The following LRRC7 variants were observed in gnomAD, a reference collection of about 807,000 sequenced individuals.
LRRC7 encodes the protein leucine-rich repeat-containing protein 7.
A neutral mutation model predicts 175.7 loss-of-function variants in LRRC7; 23 were observed. The observed-to-expected ratio is 0.13, with a 90% CI of 0.09 to 0.19. The LOEUF (loss-of-function observed/expected upper bound fraction) is 0.19, where lower values mean the gene tolerates loss of function less well. Ranked by LOEUF, LRRC7 falls within the 10% of genes least tolerant of loss-of-function variation. LRRC7 has a pLI of 1.00. For missense variants in LRRC7, 1,354 were observed against 1,904.7 expected (o/e 0.71, Z 5.38); for synonymous variants, 685 against 680.9 (o/e 1.01, Z -0.09).
At chr1:69,928,654 A>G (rs1570696043) in intron 7 of LRRC7, among the ~76,000 whole-genome samples, 1 of 152,194 alleles carries the variant, frequency 6.6e-6, no homozygotes, top group African/African-American at 2.4e-5. Flanking sequence ...TTTTAAGCCC[A>G]TTGGAAAAGA....
chr1:69,662,723 C>T (rs1048453422), intron 1 of LRRC7, among the ~76,000 whole-genome samples: 7 of 152,172 alleles, frequency 4.6e-5, no homozygotes, highest in Non-Finnish European at 1.0e-4. Flanking sequence ...ATTATTTTTG[C>T]ACTGTCATTT....
intron 4 of LRRC7, among the ~76,000 whole-genome samples, chr1:69,806,238 CAAGAT>C (rs1261711705): frequency 6.6e-6 from 1 of 151,808 alleles, no homozygotes; most frequent in Non-Finnish European, 1.5e-5. Context: ...GAGTATGAAG[CAAGAT>C]TATTAAACAG....
At chr1:69,598,033 T>G (rs201526056) in intron 1 of LRRC7, among the ~76,000 whole-genome samples, 3 of 152,302 alleles carry the variant, frequency 2.0e-5, no homozygotes, top group South Asian at 2.1e-4. Flanking sequence ...TGACATAAAA[T>G]GATTTGTTGA....
intron 11 of LRRC7, among the ~76,000 whole-genome samples, chr1:69,998,234 C>T (rs1208607252): frequency 6.6e-6 from 1 of 152,164 alleles, no homozygotes; most frequent in Non-Finnish European, 1.5e-5. Flanking sequence ...ACTATCACCA[C>T]TGCAATGAAG....
At chr1:69,737,364 A>T (rs1668234999) in intron 2 of LRRC7, among the ~76,000 whole-genome samples, 1 of 152,098 alleles carries the variant, frequency 6.6e-6, no homozygotes, top group African/African-American at 2.4e-5. Flanking sequence ...GCCACCATGG[A>T]AGACATGCCT....
At chr1:69,809,454 T>C (rs533920466) in intron 4 of LRRC7, among the ~76,000 whole-genome samples, 4 of 152,202 alleles carry the variant, frequency 2.6e-5, no homozygotes, top group Admixed American at 1.3e-4. Context: ...TACCAAAACC[T>C]GGCAGAGACA....
intron 2 of LRRC7, among the ~76,000 whole-genome samples, chr1:69,734,806 A>G (rs11209529): frequency 0.69 from 104,949 of 151,606 alleles, 36,795 homozygotes; most frequent in East Asian, 0.92. Context: ...TTTATGCTTC[A>G]GACATTTTTT....
intron 4 of LRRC7, among the ~76,000 whole-genome samples, chr1:69,806,270 G>C (rs1486211290): frequency 6.6e-6 from 1 of 151,930 alleles, no homozygotes; most frequent in Non-Finnish European, 1.5e-5. Flanking sequence ...TCACATAAAA[G>C]ACTCAATGTG....
chr1:69,870,199 A>T (rs140961767), intron 7 of LRRC7, among the ~76,000 whole-genome samples: 2 of 152,256 alleles, frequency 1.3e-5, no homozygotes, highest in East Asian at 3.9e-4. Flanking sequence ...TACACACAGT[A>T]GATGCTCAAT....
intron 1 of LRRC7, among the ~76,000 whole-genome samples, chr1:69,617,563 A>AAAAAAAAAAAC (rs1557491914): frequency 6.7e-6 from 1 of 150,074 alleles, no homozygotes; most frequent in Non-Finnish European, 1.5e-5. Flanking sequence ...AAAAAAAAAA[A>AAAAAAAAAAAC]AAAAAAAAAT....
At chr1:70,026,517 C>T (rs778815962) in intron 17 of LRRC7, among the ~76,000 whole-genome samples, 1 of 151,944 alleles carries the variant, frequency 6.6e-6, no homozygotes, top group Non-Finnish European at 1.5e-5. Context: ...CATATCATTC[C>T]TTTTATGTTT....
intron 5 of LRRC7, among the ~76,000 whole-genome samples, chr1:69,827,992 C>T (rs1361333167): frequency 6.6e-6 from 1 of 152,180 alleles, no homozygotes; most frequent in Admixed American, 6.6e-5. Flanking sequence ...TTACTATCCC[C>T]ATTGCTTTGT....
intron 1 of LRRC7, among the ~76,000 whole-genome samples, chr1:69,630,875 T>C (rs150425290): frequency 0.017 from 2,582 of 152,196 alleles, 66 homozygotes; most frequent in African/African-American, 0.059. Flanking sequence ...GCCAAATACA[T>C]GATGTATAAG....
At chr1:69,648,403 C>A (rs1655307410) in intron 1 of LRRC7, among the ~76,000 whole-genome samples, 1 of 151,988 alleles carries the variant, frequency 6.6e-6, no homozygotes, top group Non-Finnish European at 1.5e-5. Context: ...AAGGGTGGAG[C>A]CTATTAATCC....
At chr1:69,635,826 AT>A (rs1490507121) in intron 1 of LRRC7, among the ~76,000 whole-genome samples, 1 of 152,032 alleles carries the variant, frequency 6.6e-6, no homozygotes, top group Admixed American at 6.6e-5. Context: ...CACATTACTG[AT>A]GTTTTTTTAA....
intron 7 of LRRC7, among the ~76,000 whole-genome samples, chr1:69,857,317 T>G (rs1333987743): frequency 6.6e-6 from 1 of 152,136 alleles, no homozygotes; most frequent in Non-Finnish European, 1.5e-5. Flanking sequence ...AAAGAGGAAG[T>G]CAAATTATCC....
At chr1:69,621,518 G>C (rs1473185235) in intron 1 of LRRC7, among the ~76,000 whole-genome samples, 1 of 152,078 alleles carries the variant, frequency 6.6e-6, no homozygotes, top group Non-Finnish European at 1.5e-5. Flanking sequence ...ATGCATATAG[G>C]AGATTTTCTC....
chr1:69,876,817 G>C (rs1686085671), intron 7 of LRRC7, among the ~76,000 whole-genome samples: 1 of 152,176 alleles, frequency 6.6e-6, no homozygotes, highest in African/African-American at 2.4e-5. Flanking sequence ...TGTACAAGGA[G>C]TCCCTGCTGT....
chr1:70,076,729 A>G (rs891634241), intron 24 of LRRC7, among the ~76,000 whole-genome samples: 2 of 152,296 alleles, frequency 1.3e-5, no homozygotes, highest in South Asian at 2.1e-4. Context: ...TAAAAGTCCT[A>G]TCTTCTGATT....
Sources: gnomAD v4.1 joint callset for allele counts (sites outside exome capture counted in the v4.1 genomes callset) on GRCh38, gnomAD v4.1.1 for gene constraint, MANE v1.5 for transcripts, NCBI Gene and HGNC (gene_info 2026-07-23, HGNC 2026-07-21) for gene names.